NRG3: variants seen among roughly 807,000 people sequenced by gnomAD.
NRG3 encodes the protein pro-neuregulin-3, membrane-bound isoform.
A neutral mutation model predicts 66.9 loss-of-function variants in NRG3; 31 were observed. That is an observed-to-expected ratio of 0.46 (90% CI 0.35 to 0.63). The LOEUF (loss-of-function observed/expected upper bound fraction) is 0.63, where lower values mean the gene tolerates loss of function less well. NRG3 is among the 20% of genes least tolerant of loss of function. The pLI is 0.00. For missense variants in NRG3, 910 were observed against 878.9 expected (o/e 1.04, Z -0.45); for synonymous variants, 393 against 359.4 (o/e 1.09, Z -1.06).
At chr10:82,573,932 G>A (rs908614278) in intron 2 of NRG3, among the ~76,000 whole-genome samples, 3 of 151,788 alleles carry the variant, frequency 2.0e-5, no homozygotes, top group Admixed American at 6.6e-5. Flanking sequence ...AAGAAGAAGT[G>A]CAGGAATTTC....
chr10:82,945,441 CA>C (rs1175733524), intron 4 of NRG3, among the ~76,000 whole-genome samples: 1 of 152,124 alleles, frequency 6.6e-6, no homozygotes, highest in Non-Finnish European at 1.5e-5. Flanking sequence ...CTGAATACCA[CA>C]AAATGGGTAC....
intron 2 of NRG3, among the ~76,000 whole-genome samples, chr10:82,598,481 A>G (rs755973030): frequency 1.3e-5 from 2 of 152,218 alleles, no homozygotes; most frequent in Non-Finnish European, 2.9e-5. Flanking sequence ...CAAATAGTTC[A>G]TATCTCTTGG....
intron 1 of NRG3, among the ~76,000 whole-genome samples, chr10:82,268,631 G>A (rs557821184): frequency 1.2e-4 from 19 of 152,106 alleles, no homozygotes; most frequent in Non-Finnish European, 2.6e-4. Context: ...TTGGGCCAAT[G>A]TAAAATTGTG....
chr10:82,077,935 G>A (rs547458386), intron 1 of NRG3, among the ~76,000 whole-genome samples: 1 of 152,210 alleles, frequency 6.6e-6, no homozygotes, highest in East Asian at 1.9e-4. Context: ...AGCAATTTCA[G>A]TTTCTTTAGG....
intron 4 of NRG3, among the ~76,000 whole-genome samples, chr10:82,887,281 G>A (rs976655562): frequency 1.3e-5 from 2 of 152,140 alleles, no homozygotes; most frequent in Non-Finnish European, 2.9e-5. Flanking sequence ...ACATACCCAA[G>A]CATCAGCTCC....
Position 82,210,120 on chromosome 10 carries a change from A to T in NRG3, c.824-148619A>T, listed in dbSNP as rs577716390. 2.0e-5 allele frequency among the ~76,000 whole-genome samples: 3 copies of T among 152,306 alleles called. No homozygotes were observed. In the South Asian group the frequency reaches 6.2e-4, roughly 32 times the overall value. On this transcript the variant is annotated intron_variant, in intron 1 of 8. Coordinates refer to ENST00000372141, the MANE Select transcript of NRG3 (RefSeq NM_001010848.4). ...GAGAAAGTTGAAACATTGCTATAAC[A>T]TATCAAAATGAGAGGCTCTGCATAA... is the stretch of plus-strand genomic sequence containing the variant.
intron 2 of NRG3, among the ~76,000 whole-genome samples, chr10:82,632,732 C>A (rs916751208): frequency 2.6e-5 from 4 of 152,066 alleles, no homozygotes; most frequent in Middle Eastern, 3.2e-3. Flanking sequence ...TAATATAAAT[C>A]GTCTGTCTTT....
intron 1 of NRG3, among the ~76,000 whole-genome samples, chr10:82,156,278 A>G (rs1326677703): frequency 2.0e-5 from 3 of 151,056 alleles, no homozygotes; most frequent in Non-Finnish European, 4.4e-5. Context: ...ACAAACACTC[A>G]TTGTGTTCTG....
intron 1 of NRG3, among the ~76,000 whole-genome samples, chr10:82,043,330 A>C (rs1054824605): frequency 2.0e-5 from 3 of 152,070 alleles, no homozygotes; most frequent in African/African-American, 7.2e-5. Flanking sequence ...AGTGTGTCTT[A>C]TTTCTTACCT....
intron 1 of NRG3, among the ~76,000 whole-genome samples, chr10:81,937,932 A>G (rs917702650): frequency 4.6e-5 from 7 of 152,060 alleles, no homozygotes; most frequent in Admixed American, 3.9e-4. Flanking sequence ...ATGTAAGGCT[A>G]GAGTCCAACT....
chr10:82,739,722 C>T (rs1485804969), intron 3 of NRG3, among the ~76,000 whole-genome samples: 3 of 152,196 alleles, frequency 2.0e-5, no homozygotes, highest in African/African-American at 7.2e-5. Context: ...ATTCACCATA[C>T]AGTAACTACT....
At chr10:82,610,452 A>G (rs2048241896) in intron 2 of NRG3, among the ~76,000 whole-genome samples, 2 of 152,274 alleles carry the variant, frequency 1.3e-5, no homozygotes, top group South Asian at 4.1e-4. Flanking sequence ...AAAAATAGGA[A>G]TTATACTGGA....
chr10:82,199,255 A>G (rs1286230171), intron 1 of NRG3, among the ~76,000 whole-genome samples: 3 of 152,068 alleles, frequency 2.0e-5, no homozygotes, highest in African/African-American at 7.2e-5. Context: ...TTCATTAATC[A>G]ATTTGTTCAT....
chr10:82,359,440 T>C (rs1338507767), intron 2 of NRG3, among the ~76,000 whole-genome samples: 4 of 152,210 alleles, frequency 2.6e-5, no homozygotes, highest in Admixed American at 6.5e-5. Context: ...AGTCCTGTTA[T>C]AGTCTAGGTA....
At chr10:82,912,505 G>T (rs1845416475) in intron 4 of NRG3, among the ~76,000 whole-genome samples, 1 of 151,900 alleles carries the variant, frequency 6.6e-6, no homozygotes. Context: ...GTGTTAGCAT[G>T]GTATATCTTA....
At chr10:82,402,561 G>T (rs2087187111) in intron 2 of NRG3, among the ~76,000 whole-genome samples, 2 of 152,140 alleles carry the variant, frequency 1.3e-5, no homozygotes, top group Admixed American at 1.3e-4. Context: ...TATTTACTAT[G>T]TGAGAATTTT....
chr10:82,320,278 T>A (rs1229737692), intron 1 of NRG3, among the ~76,000 whole-genome samples: 1 of 152,208 alleles, frequency 6.6e-6, no homozygotes, highest in South Asian at 2.1e-4. Flanking sequence ...TGAGAAGTTC[T>A]TTCCTGATGC....
At chr10:82,177,986 C>T (rs2073158281) in intron 1 of NRG3, among the ~76,000 whole-genome samples, 1 of 152,070 alleles carries the variant, frequency 6.6e-6, no homozygotes, top group Admixed American at 6.6e-5. Flanking sequence ...GCACTGTGCC[C>T]AGCCCATGTA....
At position 81,875,418 on chromosome 10, in the gene NRG3, G is replaced by A; in HGVS notation, c.78G>A (p.Ala26=). ...CCGCCTCGGCCGAGGAGGGCACCGC[G>A]GCGGCTGCGGCGGCGGCAGCGGCGG... ...AAAASAEEGT[A]AAAAAAAAGG... is the part of the protein sequence containing the mutation. The change falls in exon 1 of 9, where the codon GCG becomes GCA. Residue 26 remains alanine, a synonymous_variant. Coordinates refer to ENST00000372141, the MANE Select transcript of NRG3 (RefSeq NM_001010848.4). This position sits in a 1 kb window ranked among gnomAD's most constrained non-coding sequence, Gnocchi z 5.3. 3 of 1,060,536 alleles carry A rather than the reference G, an allele frequency of 2.8e-6. No individual in the cohort carries two copies. Among genetic ancestry groups the A allele is most frequent in the African/African-American group, 1.7e-5 (1 of 58,642 alleles). 65.7% of individuals were successfully genotyped at this position (1,060,536 alleles called of 1,614,324 possible).
Sources: allele counts gnomAD v4.1 joint callset (sites outside exome capture counted in the v4.1 genomes callset), GRCh38; gene constraint gnomAD v4.1.1; non-coding constraint Gnocchi (gnomAD v3.1); transcripts MANE v1.5; gene names NCBI Gene and HGNC (gene_info 2026-07-23, HGNC 2026-07-21).